Variants in SIPA1L3 observed in about 807,000 individuals in gnomAD.
SIPA1L3 encodes signal-induced proliferation-associated 1-like protein 3.
SIPA1L3 carries 59 observed loss-of-function variants against 150.1 expected under a neutral mutation model. The observed-to-expected ratio is 0.39, with a 90% CI of 0.32 to 0.49. The LOEUF is 0.49. Among genes scored for constraint, SIPA1L3 ranks in the 20% least tolerant of loss-of-function variants. SIPA1L3 has a pLI of 0.86. For synonymous variants in SIPA1L3, 1,070 were observed against 1,077.6 expected, an observed-to-expected ratio of 0.99 and a Z score of 0.14; for missense variants, 2,211 against 2,489.5, an observed-to-expected ratio of 0.89 and a Z score of 2.38.
At chr19:37,940,523 C>G (rs528399702) in intron 1 of SIPA1L3, among the ~76,000 whole-genome samples, 1 of 152,194 alleles carries the variant, frequency 6.6e-6, no homozygotes, top group Non-Finnish European at 1.5e-5. Flanking sequence ...GTGTTAACAT[C>G]TCAGATCATC....
chr19:38,089,497 T>C (rs1236286137), intron 4 of SIPA1L3, among the ~76,000 whole-genome samples: 1 of 152,054 alleles, frequency 6.6e-6, no homozygotes, highest in African/African-American at 2.4e-5. Flanking sequence ...AAAGGGAAGG[T>C]AAGGGATCAT....
chr19:38,123,982 C>G (rs1248167429), intron 9 of SIPA1L3, among the ~76,000 whole-genome samples: 4 of 144,784 alleles, frequency 2.8e-5, no homozygotes, highest in Admixed American at 6.9e-5. Flanking sequence ...CCAACCCCCC[C>G]CCACCTCCCT....
At position 38,082,542 on chromosome 19, in the gene SIPA1L3, G is replaced by GC. The variant is rs1186499305; in HGVS notation, c.983dup (p.Glu329GlyfsTer90). 1 of 1,600,500 alleles carries GC rather than the reference G, an allele frequency of 6.2e-7. No homozygotes were observed. On this transcript the variant is annotated frameshift_variant, in exon 3 of 22. Coordinates refer to ENST00000222345, the MANE Select transcript of SIPA1L3 (RefSeq NM_015073.3). LOFTEE classifies it high-confidence loss of function. The stretch of plus-strand genomic sequence containing the variant: ...CCGGGGGAGGCCGACGAGGGCCGGA[G>GC]CCCCCCGGAAGCCAGCAGGCCGTGG...
chr19:37,950,308 T>G (rs1304278761), intron 1 of SIPA1L3, among the ~76,000 whole-genome samples: 2 of 152,112 alleles, frequency 1.3e-5, no homozygotes, highest in East Asian at 3.9e-4. Flanking sequence ...ACTCAAAGTA[T>G]TAGTTTTCAT....
chr19:38,036,937 C>G (rs989871312), intron 2 of SIPA1L3, among the ~76,000 whole-genome samples: 1 of 152,146 alleles, frequency 6.6e-6, no homozygotes, highest in Non-Finnish European at 1.5e-5. Flanking sequence ...CCAGAAGCCA[C>G]GTGTTCACTT....
intron 18 of SIPA1L3, among the ~76,000 whole-genome samples, chr19:38,196,575 A>G (rs1215506362): frequency 8.0e-5 from 11 of 137,474 alleles, no homozygotes; most frequent in South Asian, 2.4e-4. Flanking sequence ...GGTCAAGGGC[A>G]GAGCGTGGAG....
intron 11 of SIPA1L3, 95 bp downstream of exon 11, chr19:38,141,530 T>G: frequency 4.6e-6 from 6 of 1,300,394 alleles, no homozygotes; most frequent in Non-Finnish European, 6.4e-6. Context: ...CTCCATCCTC[T>G]TCCTCGCCTC....
intron 12 of SIPA1L3, among the ~76,000 whole-genome samples, chr19:38,148,037 T>G (rs1971737941): frequency 6.9e-6 from 1 of 144,528 alleles, no homozygotes; most frequent in African/African-American, 2.7e-5. Context: ...AGTGAGACTC[T>G]GTCCCAAAAT....
At chr19:38,032,966 C>T (rs997287941) in intron 2 of SIPA1L3, among the ~76,000 whole-genome samples, 3 of 152,180 alleles carry the variant, frequency 2.0e-5, no homozygotes, top group African/African-American at 7.2e-5. Flanking sequence ...CCTCACAGGG[C>T]AATTTTCGGA....
At chr19:37,923,085 C>T (rs1300045211) in intron 1 of SIPA1L3, among the ~76,000 whole-genome samples, 4 of 150,542 alleles carry the variant, frequency 2.7e-5, no homozygotes, top group Admixed American at 6.6e-5. Context: ...TACAGTGAGC[C>T]GAGATCGCGC....
intron 13 of SIPA1L3, among the ~76,000 whole-genome samples, chr19:38,157,625 G>A (rs2145970807): frequency 6.6e-6 from 1 of 152,276 alleles, no homozygotes; most frequent in East Asian, 1.9e-4. Flanking sequence ...CTCTCACGCT[G>A]TCCCCTGCCC....
intron 15 of SIPA1L3, among the ~76,000 whole-genome samples, chr19:38,178,093 GTGTGTGTGT>G (rs747205825): frequency 0.065 from 3,983 of 61,206 alleles, 72 homozygotes; most frequent in Non-Finnish European, 0.099. Flanking sequence ...TTTGGTGTGT[GTGTGTGTGT>G]GTGTGTGTGT....
At chr19:37,919,133 G>A (rs1044484029) in intron 1 of SIPA1L3, among the ~76,000 whole-genome samples, 2 of 152,050 alleles carry the variant, frequency 1.3e-5, no homozygotes, top group Non-Finnish European at 2.9e-5. Flanking sequence ...TATGAGAGTC[G>A]TGGTTCTAGA....
rs532973971 is a variant in SIPA1L3 at position 38,192,050 on chromosome 19, C to T, written c.4431-95C>T. ...TGAAGGAGAGAAGGCTGTGGCCATG[C>T]GTCCCGTGGTGGCCGGCCCTCTTGA... On this transcript the variant is annotated intron_variant, in intron 16 of 21. Transcript: ENST00000222345. 1.8e-5 allele frequency: 20 copies of T among 1,140,458 alleles called. No homozygotes were observed. In the African/African-American group the frequency reaches 2.2e-4, roughly 13 times the overall value. 70.6% of individuals were successfully genotyped at this position (1,140,458 alleles called of 1,614,324 possible).
chr19:38,161,167 C>T (rs891972251), intron 13 of SIPA1L3, among the ~76,000 whole-genome samples: 1 of 149,686 alleles, frequency 6.7e-6, no homozygotes, highest in Admixed American at 6.7e-5. Flanking sequence ...GATGGTGAAA[C>T]CCCGTCTCTA....
chr19:37,983,872 C>T (rs1383826895), intron 1 of SIPA1L3, among the ~76,000 whole-genome samples: 2 of 149,434 alleles, frequency 1.3e-5, no homozygotes, highest in African/African-American at 5.0e-5. Flanking sequence ...TACCACTGCC[C>T]TCCAGCCTGG....
chr19:37,948,688 C>T (rs529549590), intron 1 of SIPA1L3, among the ~76,000 whole-genome samples: 4 of 152,254 alleles, frequency 2.6e-5, no homozygotes, highest in South Asian at 2.1e-4. Flanking sequence ...ACGGCCCCCA[C>T]GCTCTTGGAG....
At chr19:38,157,103 A>C (rs1971966777) in intron 13 of SIPA1L3, among the ~76,000 whole-genome samples, 1 of 152,150 alleles carries the variant, frequency 6.6e-6, no homozygotes, top group South Asian at 2.1e-4. Context: ...GTTTGAGGCT[A>C]CAGCAAGCCA....
At chr19:37,955,332 C>T (rs952366611) in intron 1 of SIPA1L3, among the ~76,000 whole-genome samples, 13 of 149,828 alleles carry the variant, frequency 8.7e-5, no homozygotes, top group Admixed American at 2.0e-4. Flanking sequence ...CGGAGGTTGC[C>T]GTGAGCCAAG....
Sources: gnomAD v4.1 joint callset for allele counts (sites outside exome capture counted in the v4.1 genomes callset) on GRCh38, gnomAD v4.1.1 for gene constraint, MANE v1.5 for transcripts, NCBI Gene and HGNC (gene_info 2026-07-23, HGNC 2026-07-21) for gene names.